Variants in RALA observed in about 807,000 individuals in gnomAD.
The protein encoded by RALA is RAS like proto-oncogene A.
Under a neutral mutation model 24.0 loss-of-function variants are expected in RALA, and 5 were observed. The observed-to-expected ratio is 0.21, with a 90% CI of 0.11 to 0.44. The LOEUF (loss-of-function observed/expected upper bound fraction) is 0.44, where lower values mean the gene tolerates loss of function less well. Ranked by LOEUF, RALA falls within the 20% of genes least tolerant of loss-of-function variation. The pLI is 0.99. For missense variants in RALA, 95 were observed against 241.2 expected (o/e 0.39, Z 4.01); for synonymous variants, 77 against 83.8 (o/e 0.92, Z 0.44).
intron 1 of RALA, among the ~76,000 whole-genome samples, chr7:39,670,337 A>G (rs1471004450): frequency 6.6e-6 from 1 of 152,112 alleles, no homozygotes; most frequent in East Asian, 1.9e-4. Context: ...TGTAGAGACA[A>G]AGTCTCACTG....
intron 1 of RALA, among the ~76,000 whole-genome samples, chr7:39,646,184 T>C (rs1254582458): frequency 1.3e-5 from 2 of 152,152 alleles, no homozygotes. Flanking sequence ...TCCTAACTAC[T>C]TGGCAGGCTG....
At position 39,648,403 on chromosome 7, in the gene RALA, T is replaced by C. The variant is rs569101816; in HGVS notation, c.-38+24578T>C. Among the ~76,000 whole-genome samples the C allele has an allele frequency of 7.2e-5, 11 of 152,126 alleles. No homozygotes were observed. In the East Asian group the frequency reaches 1.5e-3, roughly 21 times the overall value. On this transcript the variant is annotated intron_variant, in intron 1 of 4. Coordinates refer to ENST00000005257, the MANE Select transcript of RALA (RefSeq NM_005402.4). Reference sequence around the variant, plus strand: ...GTTTGTTTTGCCAGTAAGTTTTCCATCAACTTAATAGCTTTTTTTTTTTTG... The same window carrying C: ...GTTTGTTTTGCCAGTAAGTTTTCCACCAACTTAATAGCTTTTTTTTTTTTG...
intron 2 of RALA, among the ~76,000 whole-genome samples, chr7:39,690,046 T>G (rs1465509855): frequency 6.6e-6 from 1 of 152,204 alleles, no homozygotes; most frequent in African/African-American, 2.4e-5. Context: ...CATGAAAATT[T>G]ATATTCAGAG....
chr7:39,676,846 G>A (rs905400943), intron 1 of RALA, among the ~76,000 whole-genome samples: 5 of 152,096 alleles, frequency 3.3e-5, no homozygotes, highest in African/African-American at 4.8e-5. Context: ...TCTGTGGTCC[G>A]AAGCTCCTTG....
At chr7:39,636,634 C>T (rs1791689774) in intron 1 of RALA, among the ~76,000 whole-genome samples, 1 of 152,114 alleles carries the variant, frequency 6.6e-6, no homozygotes, top group South Asian at 2.1e-4. Flanking sequence ...TTCTGTTTTA[C>T]GTTTGTGTGT....
intron 1 of RALA, among the ~76,000 whole-genome samples, chr7:39,685,922 G>A (rs1039152410): frequency 2.0e-5 from 3 of 152,130 alleles, no homozygotes; most frequent in Admixed American, 2.0e-4. Context: ...GAAACATCTT[G>A]GTCGGGGGTG....
In RALA at chr7:39,625,081, A is replaced by T. The variant is rs138828787; in HGVS notation, c.-38+1256A>T. ...CTACTTATGACTGTTTCTATGCAGT[A>T]TGCCTTGAACATAGAAGCTGTTCAC... On this transcript the variant is annotated intron_variant, in intron 1 of 4. Transcript: ENST00000005257. Among the ~76,000 whole-genome samples the T allele has an allele frequency of 1.9e-3, 292 of 152,346 alleles. 1 individual carries two copies. Among genetic ancestry groups the T allele is most frequent in the African/African-American group, 6.7e-3 (279 of 41,582 alleles).
At chr7:39,641,539 A>G (rs568258730) in intron 1 of RALA, among the ~76,000 whole-genome samples, 22 of 152,256 alleles carry the variant, frequency 1.4e-4, no homozygotes, top group Admixed American at 3.3e-4. Context: ...TGGAGTTCCT[A>G]TATTCCTACA....
chr7:39,677,325 A>G (rs1227617008), intron 1 of RALA, among the ~76,000 whole-genome samples: 5 of 150,670 alleles, frequency 3.3e-5, no homozygotes, highest in African/African-American at 9.8e-5. Flanking sequence ...TGTTCTTGCG[A>G]TAGTTTACTG....
At chr7:39,656,543 AAG>A (rs1792099996) in intron 1 of RALA, among the ~76,000 whole-genome samples, 1 of 152,226 alleles carries the variant, frequency 6.6e-6, no homozygotes. Context: ...CCTTGTTGTT[AAG>A]AGTCTATTGT....
At chr7:39,665,741 T>G (rs541736819) in intron 1 of RALA, among the ~76,000 whole-genome samples, 2 of 152,200 alleles carry the variant, frequency 1.3e-5, no homozygotes, top group South Asian at 4.1e-4. Context: ...GTGAGAATTA[T>G]CTTTTTATGT....
intron 1 of RALA, among the ~76,000 whole-genome samples, chr7:39,645,395 A>C (rs1271576596): frequency 1.3e-5 from 2 of 152,330 alleles, no homozygotes; most frequent in Non-Finnish European, 2.9e-5. Context: ...TGTTGTTACT[A>C]ATGTGTGTTT....
intron 2 of RALA, among the ~76,000 whole-genome samples, chr7:39,690,076 T>C (rs1041528284): frequency 1.3e-5 from 2 of 152,222 alleles, no homozygotes; most frequent in East Asian, 1.9e-4. Context: ...AAAAAGACTA[T>C]TATAAATTTG....
At chr7:39,632,424 T>C (rs981680408) in intron 1 of RALA, among the ~76,000 whole-genome samples, 2 of 152,228 alleles carry the variant, frequency 1.3e-5, no homozygotes, top group Non-Finnish European at 2.9e-5. Flanking sequence ...ATCTTCACCA[T>C]GGATATACAA....
chr7:39,682,415 T>C (rs2116055191), intron 1 of RALA, among the ~76,000 whole-genome samples: 1 of 152,366 alleles, frequency 6.6e-6, no homozygotes, highest in South Asian at 2.1e-4. Context: ...GTCCATTCTC[T>C]ACACACCAAC....
intron 4 of RALA, among the ~76,000 whole-genome samples, chr7:39,702,677 A>G (rs1328760986): frequency 2.0e-5 from 3 of 152,262 alleles, no homozygotes; most frequent in East Asian, 1.9e-4. Context: ...GTACTATTCA[A>G]TCATTGAAAA....
intron 1 of RALA, among the ~76,000 whole-genome samples, chr7:39,643,880 GAA>G (rs1212694964): frequency 6.6e-6 from 1 of 152,012 alleles, no homozygotes; most frequent in Non-Finnish European, 1.5e-5. Flanking sequence ...AAGAGAGAAA[GAA>G]AAGAAAAGAA....
chr7:39,676,782 T>C (rs1311350180), intron 1 of RALA, among the ~76,000 whole-genome samples: 1 of 152,190 alleles, frequency 6.6e-6, no homozygotes, highest in Non-Finnish European at 1.5e-5. Context: ...GTTGATTGTT[T>C]TTTAGAATAA....
chr7:39,684,719 A>G (rs1238906753), intron 1 of RALA, among the ~76,000 whole-genome samples: 1 of 151,802 alleles, frequency 6.6e-6, no homozygotes, highest in East Asian at 1.9e-4. Context: ...AGCTAAAAAA[A>G]AAAAAAAAAG....
Sources: allele counts gnomAD v4.1 joint callset (sites outside exome capture counted in the v4.1 genomes callset), GRCh38; gene constraint gnomAD v4.1.1; transcripts MANE v1.5; gene names NCBI Gene and HGNC (gene_info 2026-07-23, HGNC 2026-07-21).